ARHGAP6: variants seen among roughly 807,000 people sequenced by gnomAD.
The protein encoded by ARHGAP6 is Rho GTPase activating protein 6.
A neutral mutation model predicts 55.7 loss-of-function variants in ARHGAP6; 16 were observed. That is an observed-to-expected ratio of 0.29 (90% confidence interval 0.19 to 0.44). The LOEUF (loss-of-function observed/expected upper bound fraction) is 0.44. Ranked by LOEUF, ARHGAP6 falls within the 20% of genes least tolerant of loss-of-function variation. ARHGAP6 has a pLI of 1.00. For synonymous variants in ARHGAP6, 382 were observed against 360.9 expected, an observed-to-expected ratio of 1.06 and a Z score of -0.66; for missense variants, 698 against 808.9, an observed-to-expected ratio of 0.86 and a Z score of 1.66.
At chrX:11,154,962 A>G (rs1174454303) in intron 10 of ARHGAP6, among the ~76,000 whole-genome samples, 3 of 112,024 alleles carry the variant, frequency 2.7e-5, no homozygotes, top group Non-Finnish European at 5.6e-5. Flanking sequence ...TATTTGAATC[A>G]GAATTTGGCC....
At chrX:11,353,787 G>A (rs757458945) in intron 1 of ARHGAP6, among the ~76,000 whole-genome samples, 1 of 110,769 alleles carries the variant, frequency 9.0e-6, no homozygotes, top group African/African-American at 3.3e-5. Flanking sequence ...CCTCCTCTCT[G>A]TACTTTCTGA....
At chrX:11,611,401 A>G (rs2052100033) in intron 1 of ARHGAP6, among the ~76,000 whole-genome samples, 1 of 112,075 alleles carries the variant, frequency 8.9e-6, no homozygotes, top group African/African-American at 3.2e-5. Context: ...ATGGAGTGTA[A>G]CTACATTTCT....
intron 1 of ARHGAP6, among the ~76,000 whole-genome samples, chrX:11,573,683 C>G (rs1371284742): frequency 2.7e-4 from 30 of 110,068 alleles, no homozygotes; most frequent in Admixed American, 3.9e-4. Context: ...TTTTTTGGTT[C>G]CATATGAACT....
chrX:11,340,408 T>C (rs779494270), intron 1 of ARHGAP6, among the ~76,000 whole-genome samples: 19 of 111,766 alleles, frequency 1.7e-4, no homozygotes, highest in Admixed American at 4.8e-4. Flanking sequence ...CATGCTGCCT[T>C]CTCAGAGTAA....
At chrX:11,526,300 G>A (rs2050988392) in intron 1 of ARHGAP6, among the ~76,000 whole-genome samples, 1 of 111,822 alleles carries the variant, frequency 8.9e-6, no homozygotes, top group Non-Finnish European at 1.9e-5. Flanking sequence ...TGTGTTAAGT[G>A]TTGCTTTCTA....
At chrX:11,594,533 G>A (rs1350208749) in intron 1 of ARHGAP6, among the ~76,000 whole-genome samples, 2 of 111,160 alleles carry the variant, frequency 1.8e-5, no homozygotes, top group Admixed American at 9.6e-5. Flanking sequence ...GGAGGTGAGC[G>A]TTGCGTGAGT....
At chrX:11,207,641 TC>T (rs1446525771) in intron 2 of ARHGAP6, among the ~76,000 whole-genome samples, 2 of 112,170 alleles carry the variant, frequency 1.8e-5, no homozygotes, top group African/African-American at 3.2e-5. Context: ...AAAATCCTAG[TC>T]ATTGAGCAAC....
intron 1 of ARHGAP6, among the ~76,000 whole-genome samples, chrX:11,572,226 T>C (rs902951418): frequency 2.7e-5 from 3 of 110,553 alleles, no homozygotes; most frequent in African/African-American, 9.9e-5. Context: ...TTAGGGTACA[T>C]GTGCACAATG....
At chrX:11,427,314 G>C (rs1009744600) in intron 1 of ARHGAP6, among the ~76,000 whole-genome samples, 1 of 112,344 alleles carries the variant, frequency 8.9e-6, no homozygotes, top group Non-Finnish European at 1.9e-5. Context: ...CCACAGCGTT[G>C]GGGCAAAGAA....
intron 1 of ARHGAP6, among the ~76,000 whole-genome samples, chrX:11,392,256 T>C (rs768943972): frequency 8.9e-6 from 1 of 111,881 alleles, no homozygotes; most frequent in South Asian, 3.7e-4. Context: ...TGCGTTTCCT[T>C]TTCTGGAAGG....
Position 11,590,814 on chromosome X carries a change from A to G in ARHGAP6, c.588+73427T>C, listed in dbSNP as rs1250096773. Among the ~76,000 whole-genome samples the G allele has an allele frequency of 1.1e-4, 5 of 46,247 alleles. No homozygotes were observed. The East Asian group carries it at 2.4e-3, about 22-fold the overall frequency. 40.2% of individuals were successfully genotyped at this position (46,247 alleles called of 115,157 possible). On this transcript the variant is annotated intron_variant, in intron 1 of 12. Transcript: ENST00000337414. ...AAGAAAAGAAAAGAAAAGAAAAGAA[A>G]AGAAAAGAAAAGAAAAGAAAAGAAA...
At chrX:11,649,997 T>C (rs1235441219) in intron 1 of ARHGAP6, among the ~76,000 whole-genome samples, 1 of 105,409 alleles carries the variant, frequency 9.5e-6, no homozygotes, top group Non-Finnish European at 2.0e-5. Flanking sequence ...TTTTCTTTTT[T>C]TTTTTTTTTT....
chrX:11,400,103 G>A (rs2049528921), intron 1 of ARHGAP6, among the ~76,000 whole-genome samples: 1 of 112,036 alleles, frequency 8.9e-6, no homozygotes, highest in African/African-American at 3.2e-5. Flanking sequence ...GCTAATGAAT[G>A]CAGCAATTCT....
At chrX:11,268,836 T>C (rs2047659369) in intron 1 of ARHGAP6, among the ~76,000 whole-genome samples, 1 of 111,402 alleles carries the variant, frequency 9.0e-6, no homozygotes, top group Non-Finnish European at 1.9e-5. Flanking sequence ...CCAAGCCCAT[T>C]CTGGACCTGA....
chrX:11,456,665 G>A (rs77487751), intron 1 of ARHGAP6, among the ~76,000 whole-genome samples: 5 of 111,616 alleles, frequency 4.5e-5, no homozygotes, highest in Non-Finnish European at 7.5e-5. Flanking sequence ...ACCACAGTAC[G>A]TGAGAGAACT....
At chrX:11,534,961 A>C (rs1286817144) in intron 1 of ARHGAP6, among the ~76,000 whole-genome samples, 1 of 111,499 alleles carries the variant, frequency 9.0e-6, no homozygotes, top group African/African-American at 3.3e-5. Context: ...AACAGTGCGG[A>C]GACAGTATCT....
intron 1 of ARHGAP6, among the ~76,000 whole-genome samples, chrX:11,445,739 A>C (rs1244721533): frequency 9.0e-6 from 1 of 111,430 alleles, no homozygotes; most frequent in African/African-American, 3.3e-5. Flanking sequence ...GGGGTTGGGC[A>C]CTACTGGCAT....
At chrX:11,174,613 TTTCTCTTTC>T in intron 8 of ARHGAP6, among the ~76,000 whole-genome samples, 1 of 94,641 alleles carries the variant, frequency 1.1e-5, no homozygotes, top group African/African-American at 3.9e-5. Context: ...TCTTTCTTTC[TTTCTCTTTC>T]TTTTCTTTCT....
At chrX:11,604,645 G>A (rs2052013235) in intron 1 of ARHGAP6, among the ~76,000 whole-genome samples, 1 of 112,192 alleles carries the variant, frequency 8.9e-6, no homozygotes, top group Non-Finnish European at 1.9e-5. Context: ...TCTTAGATTA[G>A]GTTCTCTAGA....
Sources: gnomAD v4.1 joint callset for allele counts (sites outside exome capture counted in the v4.1 genomes callset) on GRCh38, gnomAD v4.1.1 for gene constraint, MANE v1.5 for transcripts, NCBI Gene and HGNC (gene_info 2026-07-23, HGNC 2026-07-21) for gene names.